The following GRIK1 variants were observed in gnomAD, a reference collection of about 807,000 sequenced individuals.
The protein encoded by GRIK1 is glutamate receptor ionotropic, kainate 1.
A neutral mutation model predicts 105.7 loss-of-function variants in GRIK1; 69 were observed. That is an observed-to-expected ratio of 0.65 (90% CI 0.54 to 0.80). The LOEUF is 0.80. Ranked by LOEUF, GRIK1 falls within the 30% of genes least tolerant of loss-of-function variation. The pLI is 0.00. For synonymous variants in GRIK1, 438 were observed against 431.3 expected, an observed-to-expected ratio of 1.02 and a Z score of -0.19; for missense variants, 1,109 against 1,167.3, an observed-to-expected ratio of 0.95 and a Z score of 0.73.
chr21:29,789,334 A>G (rs1743436742), intron 1 of GRIK1, among the ~76,000 whole-genome samples: 1 of 152,224 alleles, frequency 6.6e-6, no homozygotes, highest in Non-Finnish European at 1.5e-5. Context: ...ATGCTTGTTA[A>G]TTTGACTTAA....
intron 7 of GRIK1, among the ~76,000 whole-genome samples, chr21:29,602,836 A>T (rs937011841): frequency 6.6e-6 from 1 of 152,168 alleles, no homozygotes; most frequent in African/African-American, 2.4e-5. Flanking sequence ...GGGTGTTTTA[A>T]ACATGTGTTG....
At chr21:29,754,535 G>T (rs1051973337) in intron 1 of GRIK1, among the ~76,000 whole-genome samples, 1 of 152,108 alleles carries the variant, frequency 6.6e-6, no homozygotes, top group African/African-American at 2.4e-5. Context: ...AGTAATCCTC[G>T]CCCTGGGATT....
chr21:29,633,689 T>G (rs1006874818), intron 7 of GRIK1, among the ~76,000 whole-genome samples: 6 of 152,200 alleles, frequency 3.9e-5, no homozygotes, highest in Middle Eastern at 3.4e-3. Context: ...CATCCAGAGT[T>G]GTACAGGGAA....
chr21:29,638,584 A>G (rs567471783), intron 7 of GRIK1, among the ~76,000 whole-genome samples: 3 of 152,356 alleles, frequency 2.0e-5, no homozygotes, highest in East Asian at 1.9e-4. Context: ...TATTAAAAAC[A>G]TAATCCTCAC....
intron 1 of GRIK1, among the ~76,000 whole-genome samples, chr21:29,864,774 T>C (rs1410239904): frequency 1.3e-5 from 2 of 152,200 alleles, no homozygotes; most frequent in East Asian, 3.8e-4. Flanking sequence ...TTCTTAAGTA[T>C]GTGGAACTAG....
At chr21:29,828,011 C>G (rs11909456) in intron 1 of GRIK1, among the ~76,000 whole-genome samples, 18,914 of 76,434 alleles carry the variant, frequency 0.25, 1,364 homozygotes, top group Admixed American at 0.37. Context: ...CTGTCTCTCT[C>G]TGTGTGTGTG....
At chr21:29,571,283 G>C (rs990849514) in intron 14 of GRIK1, among the ~76,000 whole-genome samples, 1 of 151,798 alleles carries the variant, frequency 6.6e-6, no homozygotes, top group African/African-American at 2.4e-5. Context: ...CTTGAACTCA[G>C]GAGGCAGAGG....
intron 1 of GRIK1, among the ~76,000 whole-genome samples, chr21:29,932,650 C>G (rs910533699): frequency 1.6e-4 from 25 of 151,848 alleles, no homozygotes; most frequent in African/African-American, 6.0e-4. Context: ...TAGGGAGTTT[C>G]CAATTTGATA....
intron 1 of GRIK1, among the ~76,000 whole-genome samples, chr21:29,775,819 T>C (rs770801801): frequency 3.5e-4 from 54 of 152,262 alleles, no homozygotes; most frequent in Non-Finnish European, 6.6e-4. Flanking sequence ...ATGAACAGAC[T>C]TCCTTTTTAG....
At chr21:29,649,445 T>C (rs2062684403) in intron 6 of GRIK1, among the ~76,000 whole-genome samples, 1 of 152,136 alleles carries the variant, frequency 6.6e-6, no homozygotes, top group African/African-American at 2.4e-5. Flanking sequence ...CTCTCTTAGT[T>C]GGGATGACAG....
At chr21:29,795,264 G>T (rs2066526821) in intron 1 of GRIK1, among the ~76,000 whole-genome samples, 1 of 152,006 alleles carries the variant, frequency 6.6e-6, no homozygotes, top group African/African-American at 2.4e-5. Flanking sequence ...TTGAATTCTT[G>T]ACCTCAGGTG....
At chr21:29,709,992 A>T (rs1302318260) in intron 1 of GRIK1, among the ~76,000 whole-genome samples, 1 of 151,896 alleles carries the variant, frequency 6.6e-6, no homozygotes, top group East Asian at 1.9e-4. Context: ...AAAAGCCTGT[A>T]CTATTAAACC....
chr21:29,537,634 C>A (rs1482626900), intron 17 of GRIK1, 164 bp downstream of exon 17: 2 of 713,488 alleles, frequency 2.8e-6, no homozygotes, highest in Non-Finnish European at 5.1e-6. Flanking sequence ...TATAAAACTA[C>A]CCAGTTAAAG....
At chr21:29,640,322 C>T (rs919979396) in intron 7 of GRIK1, among the ~76,000 whole-genome samples, 1 of 152,126 alleles carries the variant, frequency 6.6e-6, no homozygotes, top group African/African-American at 2.4e-5. Context: ...CTCAGAATTT[C>T]CTCAGTGCCA....
At chr21:29,738,131 G>A (rs1173664997) in intron 1 of GRIK1, among the ~76,000 whole-genome samples, 1 of 152,238 alleles carries the variant, frequency 6.6e-6, no homozygotes, top group Non-Finnish European at 1.5e-5. Context: ...GAAGTGCGTT[G>A]CACTGGGCAG....
chr21:29,819,305 G>C (rs771439512), intron 1 of GRIK1, among the ~76,000 whole-genome samples: 4 of 151,984 alleles, frequency 2.6e-5, no homozygotes, highest in South Asian at 2.1e-4. Context: ...ATGCATAAAG[G>C]CTGGCTGCTT....
chr21:29,587,378 A>C lies in GRIK1; in HGVS notation c.1781T>G (p.Phe594Cys). The C allele has an allele frequency of 6.2e-7, 1 of 1,605,826 alleles. No homozygotes were observed. The highest frequency in any genetic ancestry group is 8.5e-7 in the Non-Finnish European group (1 of 1,172,462). Residue 594 changes from phenylalanine (F) to cysteine (C), a missense_variant, in exon 12 of 18, where the codon TTT (phenylalanine) becomes TGT (cysteine). Transcript: ENST00000327783. ...LACLGVSCVL[F>C]VIARFTPYEW... ...TTCTCAAACTTACCTTGCAATCACA[A>C]AGAGTACACAGCTGACTCCCAAGCA...
At chr21:29,577,713 A>G (rs1200421743) in intron 13 of GRIK1, among the ~76,000 whole-genome samples, 3 of 152,204 alleles carry the variant, frequency 2.0e-5, no homozygotes, top group African/African-American at 7.2e-5. Flanking sequence ...ACAGTGGATG[A>G]ATTAGTTTTT....
intron 16 of GRIK1, chr21:29,553,233 AG>A (rs1325753695): frequency 1.0e-6 from 1 of 999,266 alleles, no homozygotes; most frequent in African/African-American, 1.7e-5. Context: ...CCCTGTTGAA[AG>A]TCTGAATCTC....
Sources: gnomAD v4.1 joint callset for allele counts (sites outside exome capture counted in the v4.1 genomes callset) on GRCh38, gnomAD v4.1.1 for gene constraint, MANE v1.5 for transcripts, NCBI Gene and HGNC (gene_info 2026-07-23, HGNC 2026-07-21) for gene names.